The following CNTLN variants were observed in gnomAD, a reference collection of about 807,000 sequenced individuals.
The protein encoded by CNTLN is centlein, also known as centlein, centrosomal protein.
CNTLN carries 212 observed loss-of-function variants against 180.0 expected under a neutral mutation model. That is an observed-to-expected ratio of 1.18 (90% confidence interval 1.05 to 1.32). The LOEUF is 1.32. Ranked by LOEUF, CNTLN falls within the 40% of genes most tolerant of loss-of-function variation. CNTLN has a pLI of 0.00. For missense variants in CNTLN, 2,095 were observed against 1,610.9 expected (o/e 1.30, Z -5.14); for synonymous variants, 722 against 563.1 (o/e 1.28, Z -3.99).
chr9:17,328,330 C>T (rs1386348829), intron 8 of CNTLN, among the ~76,000 whole-genome samples: 5 of 152,122 alleles, frequency 3.3e-5, no homozygotes, highest in African/African-American at 4.8e-5. Context: ...TAAACTGGGT[C>T]CAACCAACAT....
At chr9:17,375,605 T>G (rs1012184280) in intron 13 of CNTLN, among the ~76,000 whole-genome samples, 1 of 152,204 alleles carries the variant, frequency 6.6e-6, no homozygotes, top group African/African-American at 2.4e-5. Flanking sequence ...TAGTTTTGTT[T>G]GTTTACAGTT....
At chr9:17,491,447 T>C (rs1393102488) in intron 25 of CNTLN, among the ~76,000 whole-genome samples, 1 of 152,136 alleles carries the variant, frequency 6.6e-6, no homozygotes, top group African/African-American at 2.4e-5. Context: ...TATGTATATA[T>C]GTATAAAACA....
intron 13 of CNTLN, among the ~76,000 whole-genome samples, chr9:17,383,933 C>A (rs763209691): frequency 6.6e-6 from 1 of 152,032 alleles, no homozygotes; most frequent in Non-Finnish European, 1.5e-5. Flanking sequence ...CCACCTTGCC[C>A]GGCCCGTAAC....
intron 12 of CNTLN, among the ~76,000 whole-genome samples, chr9:17,356,076 A>AG (rs1564023798): frequency 1.2e-4 from 17 of 140,122 alleles, no homozygotes; most frequent in East Asian, 4.1e-4. Flanking sequence ...AAAAAAAAAA[A>AG]AAAAAGAAAA....
At chr9:17,437,829 G>GTA (rs1208215192) in intron 18 of CNTLN, among the ~76,000 whole-genome samples, 1 of 152,180 alleles carries the variant, frequency 6.6e-6, no homozygotes, top group African/African-American at 2.4e-5. Context: ...GTGTGTGTGT[G>GTA]TATATATAAC....
At chr9:17,426,569 T>C (rs1829097185) in intron 18 of CNTLN, among the ~76,000 whole-genome samples, 1 of 151,756 alleles carries the variant, frequency 6.6e-6, no homozygotes, top group South Asian at 2.1e-4. Context: ...ATTTTATATA[T>C]GTAATAATTT....
intron 5 of CNTLN, among the ~76,000 whole-genome samples, chr9:17,251,387 T>TATA (rs1010116277): frequency 2.0e-5 from 3 of 151,930 alleles, no homozygotes; most frequent in Admixed American, 6.6e-5. Context: ...CCATAATATG[T>TATA]GTGTTGGTCT....
chr9:17,141,963 T>A (rs1451085466), intron 1 of CNTLN, among the ~76,000 whole-genome samples: 2 of 151,744 alleles, frequency 1.3e-5, no homozygotes, highest in African/African-American at 4.8e-5. Context: ...GTGCCTGTAG[T>A]TCCAGCTACT....
chr9:17,187,198 T>C (rs867124695), intron 2 of CNTLN, among the ~76,000 whole-genome samples: 2 of 152,106 alleles, frequency 1.3e-5, no homozygotes, highest in South Asian at 4.1e-4. Context: ...CTTCTAATTA[T>C]TATAAATTTC....
At chr9:17,267,385 G>A (rs1827554370) in intron 5 of CNTLN, among the ~76,000 whole-genome samples, 1 of 152,146 alleles carries the variant, frequency 6.6e-6, no homozygotes, top group African/African-American at 2.4e-5. Flanking sequence ...CTTCTGGCTT[G>A]TAGAGTTTCT....
intron 8 of CNTLN, among the ~76,000 whole-genome samples, chr9:17,317,969 C>T (rs1403975654): frequency 1.3e-5 from 2 of 151,254 alleles, no homozygotes; most frequent in Admixed American, 1.3e-4. Context: ...AACATGGAAC[C>T]TATTGGGGTG....
intron 10 of CNTLN, among the ~76,000 whole-genome samples, chr9:17,334,095 T>C (rs542420563): frequency 6.6e-6 from 1 of 152,296 alleles, no homozygotes; most frequent in South Asian, 2.1e-4. Context: ...AGTCTTACTC[T>C]GTTGCCTAGG....
chr9:17,494,827 A>G (rs1833360253), intron 25 of CNTLN: 1 of 391,434 alleles, frequency 2.6e-6, no homozygotes, highest in African/African-American at 2.1e-5. Flanking sequence ...ATAATACTCA[A>G]TAATGATAAT....
intron 19 of CNTLN, among the ~76,000 whole-genome samples, chr9:17,459,536 G>A (rs374538570): frequency 6.6e-6 from 1 of 151,748 alleles, no homozygotes; most frequent in Non-Finnish European, 1.5e-5. Context: ...ACATAATATT[G>A]TCTACTACTA....
chr9:17,205,522 G>C (rs1822854157), intron 2 of CNTLN, among the ~76,000 whole-genome samples: 1 of 152,198 alleles, frequency 6.6e-6, no homozygotes, highest in South Asian at 2.1e-4. Context: ...TGAAATTCCT[G>C]TTATGACTTG....
At chr9:17,160,774 G>A (rs956475929) in intron 2 of CNTLN, among the ~76,000 whole-genome samples, 1 of 152,174 alleles carries the variant, frequency 6.6e-6, no homozygotes, top group Non-Finnish European at 1.5e-5. Flanking sequence ...GAGGAAAAAT[G>A]TAACCTTTAA....
At chr9:17,136,389 G>A (rs1038123726) in intron 1 of CNTLN, among the ~76,000 whole-genome samples, 5 of 152,154 alleles carry the variant, frequency 3.3e-5, no homozygotes, top group Non-Finnish European at 5.9e-5. Context: ...GAGTGCAGTG[G>A]TGCAGTCTCA....
intron 24 of CNTLN, among the ~76,000 whole-genome samples, chr9:17,484,703 A>G (rs1832813123): frequency 6.6e-6 from 1 of 152,068 alleles, no homozygotes; most frequent in Non-Finnish European, 1.5e-5. Flanking sequence ...AGTACTTATA[A>G]CCTTTCAAAT....
intron 2 of CNTLN, among the ~76,000 whole-genome samples, chr9:17,191,852 A>T (rs1040905647): frequency 1.3e-5 from 2 of 152,174 alleles, no homozygotes; most frequent in Admixed American, 6.5e-5. Context: ...TATTGTGAGG[A>T]TGTGTAAGGG....
Sources: gnomAD v4.1 joint callset for allele counts (sites outside exome capture counted in the v4.1 genomes callset) on GRCh38, gnomAD v4.1.1 for gene constraint, MANE v1.5 for transcripts, NCBI Gene and HGNC (gene_info 2026-07-23, HGNC 2026-07-21) for gene names.